The following GGTA1 variants were observed in gnomAD, a reference collection of about 807,000 sequenced individuals.
GGTA1 encodes the protein glycoprotein alpha-galactosyltransferase 1 (inactive).
In GGTA1, 5 loss-of-function variants were observed where a neutral mutation model predicts 2.6. The observed-to-expected ratio is 1.92, with a 90% CI of 1.00 to 4.04. GGTA1 has a LOEUF of 4.04. GGTA1 is among the 30% of genes most tolerant of loss of function. The probability of loss-of-function intolerance (pLI) is 0.00; values close to 1 mark genes in which losing one functional copy is unlikely to be tolerated. For synonymous variants in GGTA1, 17 were observed against 5.0 expected, an observed-to-expected ratio of 3.38 and a Z score of -3.19; for missense variants, 50 against 16.7, an observed-to-expected ratio of 2.99 and a Z score of -3.47.
rs1473899303 is a variant in GGTA1 at position 121,461,166 on chromosome 9, G to A, written c.182+86C>T. 7.4e-6 allele frequency: 3 copies of A among 403,694 alleles called. No individual in the cohort carries two copies. The East Asian group carries it at 2.2e-4, about 30-fold the overall frequency. The allele number at this position is 403,694 out of a possible 1,614,324, so 25.0% of individuals were successfully genotyped here. ...AGCAAGAAAGATGAGTGACTGAGAA[G>A]GTCATGAACATGAAACCATTGTGTG... is the stretch of plus-strand genomic sequence containing the variant. On this transcript the variant is annotated intron_variant, in intron 4 of 5. Coordinates refer to ENST00000481799, the MANE Select transcript of GGTA1 (RefSeq NM_001382585.1).
intron 1 of GGTA1, 132 bp downstream of exon 1, chr9:121,499,518 G>A (rs914604847): frequency 4.6e-5 from 7 of 152,752 alleles, no homozygotes; most frequent in Non-Finnish European, 1.5e-5. Context: ...GACACAGGCA[G>A]GGCAGACACC....
chr9:121,484,523 A>G (rs1425959484), intron 1 of GGTA1, among the ~76,000 whole-genome samples: 3 of 152,220 alleles, frequency 2.0e-5, no homozygotes, highest in East Asian at 3.9e-4. Context: ...ACCTCAGGTG[A>G]TCCACCTGCC....
In GGTA1 at chr9:121,476,512, G is replaced by T. The variant is rs1486732958; in HGVS notation, c.-9-8581C>A. 6.6e-6 allele frequency among the ~76,000 whole-genome samples: 1 copy of T among 152,186 alleles called. No homozygotes were observed. Among genetic ancestry groups the T allele is most frequent in the Non-Finnish European group, 1.5e-5 (1 of 68,034 alleles). Reference sequence around the variant, plus strand: ...TTCTTCTCTGATGAACCCAGGATGTGCATGAGAAATCAGCCTCAGGGATGT... The same window carrying T: ...TTCTTCTCTGATGAACCCAGGATGTTCATGAGAAATCAGCCTCAGGGATGT... On this transcript the variant is annotated intron_variant, in intron 1 of 5. Coordinates refer to ENST00000481799, the MANE Select transcript of GGTA1 (RefSeq NM_001382585.1). This position sits in a 1 kb window ranked among gnomAD's most constrained non-coding sequence, Gnocchi z 4.6.
chr9:121,453,127 A>C (rs973712725), downstream of GGTA1, among the ~76,000 whole-genome samples: 5 of 152,230 alleles, frequency 3.3e-5, no homozygotes, highest in African/African-American at 7.2e-5. Context: ...TCATTGGACA[A>C]AAAGGGCCCC....
chr9:121,468,411 G>T (rs534723381), intron 1 of GGTA1, among the ~76,000 whole-genome samples: 3 of 152,158 alleles, frequency 2.0e-5, no homozygotes, highest in Non-Finnish European at 1.5e-5. Context: ...TCTTTATCCA[G>T]TCTATCATTG....
intron 1 of GGTA1, among the ~76,000 whole-genome samples, chr9:121,485,934 A>C (rs142468461): frequency 6.4e-4 from 97 of 152,178 alleles, no homozygotes; most frequent in African/African-American, 1.3e-3. Flanking sequence ...CAAAACAACA[A>C]CACCACCACC....
Position 121,463,274 on chromosome 9 carries a change from T to C in GGTA1, c.116+19A>G. 2.2e-6 allele frequency: 1 copy of C among 452,420 alleles called. No individual in the cohort carries two copies. The highest frequency in any genetic ancestry group is 2.0e-5 in the African/African-American group (1 of 49,854). 28.0% of individuals were successfully genotyped at this position (452,420 alleles called of 1,614,324 possible). ...CTGTGGGAAACATCCCCTAGAAATC[T>C]AGAATTCAAAGCACTTACTTTGAGT... is the stretch of plus-strand genomic sequence containing the variant. On this transcript the variant is annotated intron_variant, in intron 3 of 5. Transcript: ENST00000481799.
At chr9:121,491,760 C>A (rs531125515) in intron 1 of GGTA1, among the ~76,000 whole-genome samples, 20 of 152,170 alleles carry the variant, frequency 1.3e-4, no homozygotes, top group Admixed American at 3.9e-4. Context: ...CAGGCTCCCA[C>A]CACCAAGTCT....
intron 1 of GGTA1, among the ~76,000 whole-genome samples, chr9:121,468,218 G>A (rs1828300397): frequency 1.3e-5 from 2 of 152,078 alleles, no homozygotes; most frequent in African/African-American, 4.8e-5. Context: ...CCCTCCCTGT[G>A]TCCAGGTGTT....
At chr9:121,488,464 C>T (rs1828806529) in intron 1 of GGTA1, among the ~76,000 whole-genome samples, 1 of 152,106 alleles carries the variant, frequency 6.6e-6, no homozygotes, top group African/African-American at 2.4e-5. Flanking sequence ...CCTGTAATCC[C>T]AGCACTTTGG....
At chr9:121,482,428 T>C (rs527567241) in intron 1 of GGTA1, among the ~76,000 whole-genome samples, 3 of 151,300 alleles carry the variant, frequency 2.0e-5, no homozygotes, top group Non-Finnish European at 4.4e-5. Flanking sequence ...TATTGCACCA[T>C]TGCACTCCGG....
At chr9:121,449,196 C>T (rs2064866349) in intron 7 of GGTA1, among the ~76,000 whole-genome samples, 1 of 152,156 alleles carries the variant, frequency 6.6e-6, no homozygotes, top group South Asian at 2.1e-4. Context: ...TATTCACCTA[C>T]CAAAGGACAT....
At chr9:121,458,443 A>G (rs2064931678) in intron 5 of GGTA1, among the ~76,000 whole-genome samples, 1 of 151,420 alleles carries the variant, frequency 6.6e-6, no homozygotes, top group Non-Finnish European at 1.5e-5. Context: ...CCTGGGCAAC[A>G]TGGCAAGACC....
chr9:121,447,527 T>C (rs2064857808), exon 8 of GGTA1: 1 of 152,616 alleles, frequency 6.6e-6, no homozygotes, highest in East Asian at 1.9e-4. Flanking sequence ...ATGTAAAATA[T>C]GACTTTGTGG....
chr9:121,456,997 C>G lies in GGTA1; in HGVS notation c.299-1156G>C, dbSNP rs181917785. Among the ~76,000 whole-genome samples, 5 of 152,272 alleles carry G rather than the reference C, an allele frequency of 3.3e-5. No homozygotes were observed. The East Asian group carries it at 9.6e-4, about 29-fold the overall frequency. ...CAACTCATTATTGACTGAATTCCCT[C>G]TAAGCAGGAGTAGGTTGGCTAAACA... is the stretch of plus-strand genomic sequence containing the variant. On this transcript the variant is annotated intron_variant, in intron 5 of 5. Coordinates refer to ENST00000481799, the MANE Select transcript of GGTA1 (RefSeq NM_001382585.1).
rs557346362 is a variant in GGTA1, at chr9:121,465,938, C to T, written c.80+1905G>A. On this transcript the variant is annotated intron_variant, in intron 2 of 5. Coordinates refer to ENST00000481799, the MANE Select transcript of GGTA1 (RefSeq NM_001382585.1). ...CCCTCCCCCAACTTTTTTTTTGAGACAGTGCCTTACTCTGTCACCCAGGCT... is the reference window on the plus strand; with the variant it reads ...CCCTCCCCCAACTTTTTTTTTGAGATAGTGCCTTACTCTGTCACCCAGGCT... Among the ~76,000 whole-genome samples the T allele has an allele frequency of 3.3e-5, 5 of 152,032 alleles. No individual in the cohort carries two copies. In the South Asian group the frequency reaches 1.0e-3, roughly 32 times the overall value.
At chr9:121,479,144 T>C (rs1260234349) in intron 1 of GGTA1, 3 of 455,906 alleles carry the variant, frequency 6.6e-6, no homozygotes, top group Non-Finnish European at 1.3e-5. Flanking sequence ...CCAAAACTAC[T>C]GAGGGGGCCA....
chr9:121,455,573 CT>C lies in GGTA1; in HGVS notation c.*263del, dbSNP rs2064904271. On this transcript the variant is annotated 3_prime_UTR_variant, in exon 6 of 6. Coordinates refer to ENST00000481799, the MANE Select transcript of GGTA1 (RefSeq NM_001382585.1). ...GGAAAGAAGGAGAAGGGTATGGAGC[CT>C]TTTGCCATTTAATTTATATAAAAGA... The C allele has an allele frequency of 1.2e-5, 2 of 166,466 alleles. No homozygotes were observed. Among genetic ancestry groups the C allele is most frequent in the Non-Finnish European group, 2.6e-5 (2 of 75,602 alleles). 10.3% of individuals were successfully genotyped at this position (166,466 alleles called of 1,614,324 possible).
At chr9:121,448,746 A>C (rs1165446399) in intron 7 of GGTA1, among the ~76,000 whole-genome samples, 1 of 152,040 alleles carries the variant, frequency 6.6e-6, no homozygotes, top group Non-Finnish European at 1.5e-5. Context: ...GCACAGCCCC[A>C]CCCCTCCACT....
Sources: gnomAD v4.1 joint callset for allele counts (sites outside exome capture counted in the v4.1 genomes callset) on GRCh38, gnomAD v4.1.1 for gene constraint, Gnocchi (gnomAD v3.1) non-coding constraint, MANE v1.5 for transcripts, NCBI Gene and HGNC (gene_info 2026-07-23, HGNC 2026-07-21) for gene names.